The following CTNNA3 variants were observed in gnomAD, a reference collection of about 807,000 sequenced individuals.
CTNNA3 encodes the protein catenin alpha 3.
Under a neutral mutation model 95.7 loss-of-function variants are expected in CTNNA3, and 76 were observed. That is an observed-to-expected ratio of 0.79 (90% CI 0.66 to 0.96). CTNNA3 has a LOEUF of 0.96. CTNNA3 is among the 40% of genes least tolerant of loss of function. CTNNA3 has a pLI of 0.00. For synonymous variants in CTNNA3, 431 were observed against 374.4 expected, an observed-to-expected ratio of 1.15 and a Z score of -1.74; for missense variants, 1,191 against 1,089.8, an observed-to-expected ratio of 1.09 and a Z score of -1.31.
intron 7 of CTNNA3, among the ~76,000 whole-genome samples, chr10:66,923,463 A>G (rs1424892130): frequency 6.6e-6 from 1 of 152,190 alleles, no homozygotes; most frequent in African/African-American, 2.4e-5. Flanking sequence ...CCTTTCAAGC[A>G]ACAGAGGTGT....
intron 11 of CTNNA3, among the ~76,000 whole-genome samples, chr10:66,506,430 T>A (rs72793607): frequency 0.18 from 23,203 of 131,146 alleles, 1,853 homozygotes; most frequent in Non-Finnish European, 0.21. Flanking sequence ...CAAACCCACC[T>A]TGAATTTTCA....
intron 9 of CTNNA3, among the ~76,000 whole-genome samples, chr10:66,749,479 T>C (rs1420270548): frequency 2.6e-5 from 4 of 152,212 alleles, no homozygotes. Flanking sequence ...TCCTTTCAGA[T>C]TGGCTTTTTT....
intron 9 of CTNNA3, among the ~76,000 whole-genome samples, chr10:66,732,373 G>T (rs1848989783): frequency 6.6e-6 from 1 of 152,122 alleles, no homozygotes; most frequent in South Asian, 2.1e-4. Context: ...TGTTCTCCTT[G>T]GAAAAGCCAT....
chr10:67,196,563 T>C (rs1863378855), intron 6 of CTNNA3, among the ~76,000 whole-genome samples: 1 of 152,088 alleles, frequency 6.6e-6, no homozygotes, highest in South Asian at 2.1e-4. Flanking sequence ...ACCAGAACAG[T>C]GATAAAAATT....
At chr10:66,817,568 C>T (rs997930457) in intron 7 of CTNNA3, among the ~76,000 whole-genome samples, 11 of 151,746 alleles carry the variant, frequency 7.2e-5, no homozygotes, top group Non-Finnish European at 1.0e-4. Flanking sequence ...GTAACCTATA[C>T]GAAACAGACA....
intron 6 of CTNNA3, among the ~76,000 whole-genome samples, chr10:67,202,541 G>T (rs1162901766): frequency 1.3e-5 from 2 of 151,866 alleles, no homozygotes; most frequent in African/African-American, 4.8e-5. Flanking sequence ...AATTAAAGCT[G>T]GAATTCGCAA....
intron 5 of CTNNA3, among the ~76,000 whole-genome samples, chr10:67,294,150 A>G (rs1839943865): frequency 1.3e-5 from 2 of 152,158 alleles, no homozygotes; most frequent in Admixed American, 6.5e-5. Context: ...CGTTGTCCCC[A>G]ACACCTCGCT....
chr10:66,662,413 T>C lies in CTNNA3; in HGVS notation c.1282-40629A>G, dbSNP rs1453657187. ...GCTGGAACTTCCCTACTGTCCTAGATGACCATCTCCTAACTTTTCTTCACC... is the reference window on the plus strand; with the variant it reads ...GCTGGAACTTCCCTACTGTCCTAGACGACCATCTCCTAACTTTTCTTCACC... On this transcript the variant is annotated intron_variant, in intron 9 of 17. Transcript: ENST00000433211. 2.0e-5 allele frequency among the ~76,000 whole-genome samples: 3 copies of C among 152,202 alleles called. No individual in the cohort carries two copies. In the East Asian group the frequency reaches 5.8e-4, roughly 29 times the overall value.
chr10:66,359,311 C>T (rs918836696), intron 12 of CTNNA3, among the ~76,000 whole-genome samples: 19 of 151,970 alleles, frequency 1.3e-4, no homozygotes, highest in Admixed American at 3.9e-4. Flanking sequence ...CTACTGTTTT[C>T]TTTTTTATTA....
intron 5 of CTNNA3, among the ~76,000 whole-genome samples, chr10:67,464,354 G>T (rs1458196016): frequency 6.6e-6 from 1 of 152,074 alleles, no homozygotes; most frequent in Admixed American, 6.6e-5. Context: ...CGAATAAAAA[G>T]TACCTTGATC....
At chr10:66,997,846 T>C (rs1851442671) in intron 7 of CTNNA3, among the ~76,000 whole-genome samples, 2 of 152,164 alleles carry the variant, frequency 1.3e-5, no homozygotes, top group South Asian at 4.1e-4. Flanking sequence ...GCCAGAAGCC[T>C]ACAGTCATCC....
intron 6 of CTNNA3, among the ~76,000 whole-genome samples, chr10:67,195,282 TAGA>T (rs1006706827): frequency 6.6e-6 from 1 of 152,002 alleles, no homozygotes; most frequent in Non-Finnish European, 1.5e-5. Flanking sequence ...TTAAGAAAAT[TAGA>T]AGAAAATAAA....
At chr10:66,299,198 A>T (rs1475763146) in intron 12 of CTNNA3, among the ~76,000 whole-genome samples, 1 of 152,052 alleles carries the variant, frequency 6.6e-6, no homozygotes, top group Non-Finnish European at 1.5e-5. Flanking sequence ...ATATAAAACC[A>T]ACCTGTGTTC....
intron 7 of CTNNA3, among the ~76,000 whole-genome samples, chr10:67,014,280 T>C (rs1852517383): frequency 2.0e-5 from 3 of 152,176 alleles, no homozygotes; most frequent in African/African-American, 4.8e-5. Flanking sequence ...GATGCAGCAG[T>C]GGTAATAGGT....
intron 5 of CTNNA3, among the ~76,000 whole-genome samples, chr10:67,418,974 GTTTA>G (rs1179683135): frequency 2.1e-5 from 3 of 145,120 alleles, no homozygotes; most frequent in Non-Finnish European, 4.4e-5. Flanking sequence ...TATACATAAT[GTTTA>G]TTTGTCAATT....
At chr10:67,580,313 A>T (rs945557303) in intron 3 of CTNNA3, among the ~76,000 whole-genome samples, 2 of 152,152 alleles carry the variant, frequency 1.3e-5, no homozygotes, top group East Asian at 3.8e-4. Context: ...TAAATAAGGA[A>T]TCCTTTCCTC....
At chr10:66,801,289 C>T (rs1841420802) in intron 7 of CTNNA3, among the ~76,000 whole-genome samples, 1 of 151,074 alleles carries the variant, frequency 6.6e-6, no homozygotes, top group African/African-American at 2.4e-5. Flanking sequence ...AGATCACAGG[C>T]TACAAGTTCA....
At chr10:66,960,583 G>A (rs1849054829) in intron 7 of CTNNA3, among the ~76,000 whole-genome samples, 1 of 152,128 alleles carries the variant, frequency 6.6e-6, no homozygotes, top group South Asian at 2.1e-4. Flanking sequence ...AGAGAAAAGA[G>A]AGAAAAACAG....
intron 7 of CTNNA3, among the ~76,000 whole-genome samples, chr10:66,781,677 A>G (rs1840541948): frequency 6.6e-6 from 1 of 152,234 alleles, no homozygotes; most frequent in Admixed American, 6.5e-5. Flanking sequence ...GATGAAGACT[A>G]CAAATGTCTT....
Sources: allele counts gnomAD v4.1 joint callset (sites outside exome capture counted in the v4.1 genomes callset), GRCh38; gene constraint gnomAD v4.1.1; transcripts MANE v1.5; gene names NCBI Gene and HGNC (gene_info 2026-07-23, HGNC 2026-07-21).